NEDD4L: variants seen among roughly 807,000 people sequenced by gnomAD.
The protein encoded by NEDD4L is NEDD4 like E3 ubiquitin protein ligase.
A neutral mutation model predicts 148.9 loss-of-function variants in NEDD4L; 54 were observed. That is an observed-to-expected ratio of 0.36 (90% CI 0.29 to 0.45). The LOEUF (loss-of-function observed/expected upper bound fraction) is 0.45. Among genes scored for constraint, NEDD4L ranks in the 20% least tolerant of loss-of-function variants. The pLI, the probability that NEDD4L is intolerant of heterozygous loss-of-function variation, is 1.00. For missense variants in NEDD4L, 856 were observed against 1,233.8 expected (o/e 0.69, Z 4.59); for synonymous variants, 433 against 440.7 (o/e 0.98, Z 0.22).
chr18:58,344,382 CTATT>C (rs1461572398), intron 16 of NEDD4L, among the ~76,000 whole-genome samples: 3 of 152,178 alleles, frequency 2.0e-5, no homozygotes, highest in Non-Finnish European at 2.9e-5. Context: ...CAGTTGCAGA[CTATT>C]TAACAAACTT....
chr18:58,345,493 G>GA (rs1215489747), intron 16 of NEDD4L, among the ~76,000 whole-genome samples: 2 of 152,080 alleles, frequency 1.3e-5, no homozygotes, highest in Non-Finnish European at 2.9e-5. Flanking sequence ...ATAGAAAAAG[G>GA]AAAAAAACTG....
At chr18:58,280,675 G>A (rs7232633) in intron 5 of NEDD4L, among the ~76,000 whole-genome samples, 10,976 of 152,150 alleles carry the variant, frequency 0.072, 1,280 homozygotes, top group African/African-American at 0.25. Flanking sequence ...GCAGTATTGT[G>A]GGGAATTCGG....
intron 1 of NEDD4L, among the ~76,000 whole-genome samples, chr18:58,133,493 T>C (rs1023163814): frequency 6.6e-6 from 1 of 152,212 alleles, no homozygotes; most frequent in African/African-American, 2.4e-5. Flanking sequence ...CCTAAATCTT[T>C]TTTCTTTAGA....
At chr18:58,117,874 C>T (rs374186573) in intron 1 of NEDD4L, among the ~76,000 whole-genome samples, 4 of 152,214 alleles carry the variant, frequency 2.6e-5, no homozygotes, top group Non-Finnish European at 4.4e-5. Context: ...CCGTCTTCCT[C>T]GTCAGTGCTG....
chr18:58,072,961 A>G (rs2082961590), intron 1 of NEDD4L, among the ~76,000 whole-genome samples: 1 of 152,132 alleles, frequency 6.6e-6, no homozygotes, highest in Admixed American at 6.5e-5. Context: ...ACATTGAAGC[A>G]TCCAGAAATG....
intron 1 of NEDD4L, among the ~76,000 whole-genome samples, chr18:58,074,438 T>A (rs1247215257): frequency 1.0e-4 from 14 of 133,982 alleles, no homozygotes; most frequent in African/African-American, 2.1e-4. Context: ...TTTTGTATTT[T>A]TTTTTTTTTT....
At chr18:58,358,278 T>C (rs2044976397) in intron 19 of NEDD4L, among the ~76,000 whole-genome samples, 1 of 152,204 alleles carries the variant, frequency 6.6e-6, no homozygotes, top group Admixed American at 6.5e-5. Flanking sequence ...TTGGGTACTA[T>C]TTCCTAGGCA....
chr18:58,247,031 C>T (rs1429795532), intron 3 of NEDD4L, among the ~76,000 whole-genome samples: 1 of 151,926 alleles, frequency 6.6e-6, no homozygotes, highest in Non-Finnish European at 1.5e-5. Context: ...AGAATGAGAA[C>T]CTGTCTCAAA....
chr18:58,381,621 G>A (rs920368381), intron 24 of NEDD4L, among the ~76,000 whole-genome samples: 2 of 152,124 alleles, frequency 1.3e-5, no homozygotes, highest in African/African-American at 4.8e-5. Flanking sequence ...GCCTGGGCTG[G>A]GATTTATTAA....
chr18:58,334,472 A>G (rs142823214), intron 12 of NEDD4L, among the ~76,000 whole-genome samples: 1 of 152,358 alleles, frequency 6.6e-6, no homozygotes, highest in African/African-American at 2.4e-5. Context: ...AAAAAGAAAT[A>G]TTCAAGTTGG....
intron 1 of NEDD4L, among the ~76,000 whole-genome samples, chr18:58,090,321 G>T (rs1365508250): frequency 1.3e-5 from 2 of 152,196 alleles, no homozygotes; most frequent in African/African-American, 2.4e-5. Flanking sequence ...ATGTGCCTTT[G>T]GGGGACCTTA....
intron 25 of NEDD4L, 124 bp downstream of exon 25, chr18:58,383,443 AG>A: frequency 1.6e-6 from 1 of 624,976 alleles, no homozygotes; most frequent in Admixed American, 2.6e-5. Context: ...GTTTTCAACA[AG>A]GTAAGTTCTT....
Position 58,366,142 on chromosome 18 carries a change from C to T in NEDD4L, c.1977C>T (p.Asp659=), listed in dbSNP as rs769886940. Residue 659 remains aspartate (D), a synonymous_variant, in exon 21 of 31, where the codon GAC becomes GAT. Coordinates refer to ENST00000400345, the MANE Select transcript of NEDD4L (RefSeq NM_001144967.3). This position sits in a 1 kb window ranked among gnomAD's most constrained non-coding sequence, Gnocchi z 4.2. The part of the protein sequence containing the change: ...WIEFESEKGL[D]YGGVAREWFF... ...AGTTTGAATCAGAGAAAGGTCTTGA[C>T]TATGGGGGTGTGGCCAGAGAATGGT... 1 of 1,613,672 alleles carries T rather than the reference C, an allele frequency of 6.2e-7. No individual in the cohort carries two copies. The highest frequency in any genetic ancestry group is 1.1e-5 in the South Asian group (1 of 90,936).
At chr18:58,313,683 T>G (rs1378182333) in intron 5 of NEDD4L, among the ~76,000 whole-genome samples, 2 of 152,236 alleles carry the variant, frequency 1.3e-5, no homozygotes, top group Non-Finnish European at 2.9e-5. Flanking sequence ...TTGCGAGAAC[T>G]AGACGCAGCC....
intron 5 of NEDD4L, among the ~76,000 whole-genome samples, chr18:58,271,503 G>A (rs2051038610): frequency 6.6e-6 from 1 of 152,008 alleles, no homozygotes; most frequent in Admixed American, 6.6e-5. Context: ...GTTCTTTCTG[G>A]TTTTTATTAA....
intron 18 of NEDD4L, among the ~76,000 whole-genome samples, chr18:58,355,485 C>T (rs114738227): frequency 6.6e-6 from 1 of 152,268 alleles, no homozygotes; most frequent in African/African-American, 2.4e-5. Context: ...TGAGGACTTG[C>T]GAATCCCAAT....
intron 2 of NEDD4L, among the ~76,000 whole-genome samples, chr18:58,185,101 T>G (rs2039321127): frequency 6.6e-6 from 1 of 152,156 alleles, no homozygotes; most frequent in South Asian, 2.1e-4. Context: ...ACTGTACTTG[T>G]AGCAGCAGTA....
At chr18:58,368,541 G>T (rs2146182931) in intron 22 of NEDD4L, among the ~76,000 whole-genome samples, 1 of 152,338 alleles carries the variant, frequency 6.6e-6, no homozygotes, top group East Asian at 1.9e-4. Context: ...TAAGAGCCTG[G>T]AGGTAGAGTG....
At chr18:58,286,840 C>T (rs924841912) in intron 5 of NEDD4L, among the ~76,000 whole-genome samples, 6 of 152,162 alleles carry the variant, frequency 3.9e-5, no homozygotes, top group Admixed American at 2.0e-4. Flanking sequence ...ACCCGGGAGG[C>T]GCTCCTTATG....
Sources: allele counts gnomAD v4.1 joint callset (sites outside exome capture counted in the v4.1 genomes callset), GRCh38; gene constraint gnomAD v4.1.1; non-coding constraint Gnocchi (gnomAD v3.1); transcripts MANE v1.5; gene names NCBI Gene and HGNC (gene_info 2026-07-23, HGNC 2026-07-21).